Variants in DMD observed in about 807,000 individuals in gnomAD.
DMD encodes dystrophin, also known as mutant dystrophin.
In DMD, 63 loss-of-function variants were observed where a neutral mutation model predicts 330.1. The observed-to-expected ratio is 0.19, with a 90% CI of 0.16 to 0.24. DMD has a LOEUF of 0.24. DMD is among the 10% of genes least tolerant of loss of function. The pLI is 1.00. For synonymous variants in DMD, 1,223 were observed against 959.8 expected (o/e 1.27, Z -5.07); for missense variants, 3,344 against 2,684.1 (o/e 1.25, Z -5.43).
chrX:32,771,131 G>A (rs760427839), intron 7 of DMD, among the ~76,000 whole-genome samples: 5 of 112,063 alleles, frequency 4.5e-5, no homozygotes, highest in Non-Finnish European at 9.4e-5. Context: ...ATTAGCGCAT[G>A]CAATATTAAT....
intron 50 of DMD, among the ~76,000 whole-genome samples, chrX:31,787,775 T>C (rs1047651251): frequency 4.5e-5 from 5 of 112,108 alleles, no homozygotes; most frequent in Non-Finnish European, 7.5e-5. Context: ...CTAACTGAAA[T>C]AGTGGAACTA....
At chrX:32,350,468 A>G (rs1264602288) in intron 37 of DMD, among the ~76,000 whole-genome samples, 2 of 111,265 alleles carry the variant, frequency 1.8e-5, no homozygotes. Context: ...ATTCAGGCGT[A>G]AAACGTAAGT....
chrX:31,410,594 C>T (rs141824763), intron 60 of DMD, among the ~76,000 whole-genome samples: 2,009 of 110,633 alleles, frequency 0.018, 40 homozygotes, highest in African/African-American at 0.058. Context: ...CTTTGTTTTG[C>T]CCTCTCCCTT....
chrX:32,439,392 T>G (rs908472015), intron 28 of DMD, among the ~76,000 whole-genome samples: 2 of 111,388 alleles, frequency 1.8e-5, no homozygotes, highest in Admixed American at 1.9e-4. Context: ...TTAAAAGCCA[T>G]CAAATTTTTG....
chrX:31,126,328 T>TTTTG (rs1335875471), intron 78 of DMD, among the ~76,000 whole-genome samples: 1 of 111,987 alleles, frequency 8.9e-6, no homozygotes, highest in Non-Finnish European at 1.9e-5. Context: ...ATTTTGAAGA[T>TTTTG]TTTGTTAGTG....
In DMD at chrX:33,148,207, T is replaced by C. The variant is rs963123285; in HGVS notation, c.31+63075A>G. Among the ~76,000 whole-genome samples the C allele has an allele frequency of 3.6e-4, 41 of 112,452 alleles. 1 individual carries two copies. Among genetic ancestry groups the C allele is most frequent in the Admixed American group, 2.2e-3 (23 of 10,559 alleles). ...CAGTACTGCTCAAGAAGCAATTGCC[T>C]TTACTGAAAAACAAAGTTTCGAAAG... On this transcript the variant is annotated intron_variant, in intron 1 of 78. Transcript: ENST00000357033.
At chrX:31,478,897 C>CA in intron 58 of DMD, 86 bp downstream of exon 58, 1 of 1,042,584 alleles carries the variant, frequency 9.6e-7, no homozygotes, top group Non-Finnish European at 1.3e-6. Flanking sequence ...GAGAGCTATC[C>CA]AGACCCTGGC....
At chrX:31,773,724 C>CTTTTTTTTTTTTTTTTTTTTTTTTTTTT (rs762551529) in intron 51 of DMD, among the ~76,000 whole-genome samples, 1 of 53,557 alleles carries the variant, frequency 1.9e-5, no homozygotes, top group Non-Finnish European at 3.4e-5. Context: ...AAGGTTTCTG[C>CTTTTTTTTTTTTTTTTTTTTTTTTTTTT]TTTTTTTTTT....
At chrX:31,365,503 CTG>C (rs1403583401) in intron 60 of DMD, among the ~76,000 whole-genome samples, 6 of 112,082 alleles carry the variant, frequency 5.4e-5, no homozygotes, top group African/African-American at 1.6e-4. Flanking sequence ...AAAGGAGATT[CTG>C]TGTTACAAAA....
chrX:32,692,056 A>T (rs1455491847), intron 9 of DMD, among the ~76,000 whole-genome samples: 2 of 112,066 alleles, frequency 1.8e-5, no homozygotes, highest in Non-Finnish European at 3.8e-5. Flanking sequence ...ATGAAAGATG[A>T]GAAAATTCTC....
At chrX:32,853,984 T>A in intron 2 of DMD, among the ~76,000 whole-genome samples, 1 of 110,868 alleles carries the variant, frequency 9.0e-6, no homozygotes, top group South Asian at 3.8e-4. Flanking sequence ...GAGACAAAGA[T>A]CAACATATAA....
At chrX:31,284,574 T>TCTTCTTCTTCTTTCTTCTTC (rs2052942539) in intron 62 of DMD, among the ~76,000 whole-genome samples, 1 of 92,196 alleles carries the variant, frequency 1.1e-5, no homozygotes, top group African/African-American at 4.2e-5. Flanking sequence ...TTCTTCTTCT[T>TCTTCTTCTTCTTTCTTCTTC]CTTCTTCTTC....
intron 64 of DMD, among the ~76,000 whole-genome samples, chrX:31,220,817 A>G (rs146665861): frequency 0.023 from 2,433 of 107,346 alleles, 74 homozygotes; most frequent in African/African-American, 0.079. Context: ...AGCTTGTCCA[A>G]CCTGTGGCCC....
intron 51 of DMD, among the ~76,000 whole-genome samples, chrX:31,747,434 T>C (rs939837497): frequency 9.0e-6 from 1 of 111,484 alleles, no homozygotes; most frequent in African/African-American, 3.3e-5. Flanking sequence ...ATGACAGCTT[T>C]TAAAGGAAGG....
intron 1 of DMD, among the ~76,000 whole-genome samples, chrX:33,127,750 C>T (rs778481674): frequency 1.8e-5 from 2 of 110,807 alleles, no homozygotes; most frequent in Admixed American, 9.7e-5. Context: ...ATGTAGTCTA[C>T]GTCCTTAGAA....
At chrX:32,770,229 G>A (rs2073458810) in intron 7 of DMD, among the ~76,000 whole-genome samples, 1 of 111,609 alleles carries the variant, frequency 9.0e-6, no homozygotes, top group African/African-American at 3.3e-5. Context: ...AATTGTGGTG[G>A]CATGTGAACA....
At chrX:32,322,496 G>A (rs1481691258) in intron 41 of DMD, among the ~76,000 whole-genome samples, 1 of 111,112 alleles carries the variant, frequency 9.0e-6, no homozygotes, top group Non-Finnish European at 1.9e-5. Flanking sequence ...CTAGGAGTTG[G>A]TGGCTGCAGT....
chrX:32,511,524 G>GAAA (rs67754841), intron 18 of DMD, among the ~76,000 whole-genome samples: 4 of 49,786 alleles, frequency 8.0e-5, no homozygotes, highest in Non-Finnish European at 1.0e-4. Context: ...TCCGTCTCGG[G>GAAA]AAAAAAAAAA....
intron 9 of DMD, among the ~76,000 whole-genome samples, chrX:32,645,841 G>A (rs926183526): frequency 1.8e-5 from 2 of 112,260 alleles, no homozygotes; most frequent in Admixed American, 9.5e-5. Flanking sequence ...AATGCAAATG[G>A]TTGTCTTGGA....
Sources: gnomAD v4.1 joint callset for allele counts (sites outside exome capture counted in the v4.1 genomes callset) on GRCh38, gnomAD v4.1.1 for gene constraint, MANE v1.5 for transcripts, NCBI Gene and HGNC (gene_info 2026-07-23, HGNC 2026-07-21) for gene names.